The following KCNH1 variants were observed in gnomAD, a reference collection of about 807,000 sequenced individuals.
The protein encoded by KCNH1 is voltage-gated delayed rectifier potassium channel KCNH1.
Under a neutral mutation model 69.2 loss-of-function variants are expected in KCNH1, and 27 were observed. That is an observed-to-expected ratio of 0.39 (90% CI 0.29 to 0.54). The LOEUF (loss-of-function observed/expected upper bound fraction) is 0.54. Among genes scored for constraint, KCNH1 ranks in the 20% least tolerant of loss-of-function variants. The probability of loss-of-function intolerance (pLI) is 0.68; values close to 1 mark genes in which losing one functional copy is unlikely to be tolerated. For missense variants in KCNH1, 798 were observed against 1,261.6 expected (o/e 0.63, Z 5.57); for synonymous variants, 456 against 487.7 (o/e 0.93, Z 0.86).
intron 7 of KCNH1, among the ~76,000 whole-genome samples, chr1:210,806,744 C>T (rs12566698): frequency 0.13 from 18,706 of 141,944 alleles, 1,295 homozygotes; most frequent in Non-Finnish European, 0.15. Flanking sequence ...CCGAGGCAGG[C>T]GGATCACCTG....
chr1:210,945,902 C>T (rs112104707), intron 6 of KCNH1, among the ~76,000 whole-genome samples: 2,016 of 152,280 alleles, frequency 0.013, 20 homozygotes, highest in Non-Finnish European at 0.022. Flanking sequence ...TTTCATTTTT[C>T]TCCAGAGCAT....
intron 10 of KCNH1, among the ~76,000 whole-genome samples, chr1:210,716,082 C>T (rs1682237834): frequency 6.6e-6 from 1 of 152,118 alleles, no homozygotes; most frequent in South Asian, 2.1e-4. Flanking sequence ...CCTCCCCCCG[C>T]CATTTCTACT....
intron 10 of KCNH1, among the ~76,000 whole-genome samples, chr1:210,713,121 G>A (rs1238139536): frequency 6.6e-6 from 1 of 151,962 alleles, no homozygotes; most frequent in Non-Finnish European, 1.5e-5. Context: ...CTCTACCTTG[G>A]TTTCAAAAAC....
intron 6 of KCNH1, among the ~76,000 whole-genome samples, chr1:210,934,696 T>G (rs749301961): frequency 6.6e-6 from 1 of 151,776 alleles, no homozygotes; most frequent in Non-Finnish European, 1.5e-5. Flanking sequence ...CCAACATCAT[T>G]AATCATTAAG....
intron 10 of KCNH1, among the ~76,000 whole-genome samples, chr1:210,756,814 G>A (rs754635578): frequency 1.3e-5 from 2 of 152,192 alleles, no homozygotes; most frequent in South Asian, 2.1e-4. Flanking sequence ...TACCCTGAAA[G>A]TCTGAGACGA....
intron 8 of KCNH1, 69 bp from the exon 9 acceptor site, chr1:210,797,829 T>G: frequency 6.5e-7 from 1 of 1,543,048 alleles, no homozygotes; most frequent in Non-Finnish European, 8.8e-7. Context: ...CCTTCAGCAC[T>G]CTAGGGGGAG....
chr1:210,809,274 T>A (rs1684650051), intron 7 of KCNH1, among the ~76,000 whole-genome samples: 1 of 152,158 alleles, frequency 6.6e-6, no homozygotes, highest in African/African-American at 2.4e-5. Context: ...TTGCCATTTG[T>A]GTGAATCTTT....
chr1:211,123,829 G>A (rs1440165126), intron 1 of KCNH1, among the ~76,000 whole-genome samples: 1 of 152,206 alleles, frequency 6.6e-6, no homozygotes, highest in Non-Finnish European at 1.5e-5. Context: ...GGGAGAGAAT[G>A]AGACCAAAGG....
chr1:211,113,226 T>C (rs1691505782), intron 1 of KCNH1, among the ~76,000 whole-genome samples: 1 of 152,228 alleles, frequency 6.6e-6, no homozygotes, highest in Non-Finnish European at 1.5e-5. Flanking sequence ...AGGGTAAAGT[T>C]GGGATTTGAA....
chr1:210,780,707 G>A (rs557802764), intron 9 of KCNH1, among the ~76,000 whole-genome samples: 7 of 152,334 alleles, frequency 4.6e-5, no homozygotes, highest in African/African-American at 1.7e-4. Context: ...AGAGGGATCA[G>A]CATGAGCAAA....
chr1:211,056,226 A>C (rs2102445099), intron 5 of KCNH1, among the ~76,000 whole-genome samples: 1 of 152,302 alleles, frequency 6.6e-6, no homozygotes, highest in East Asian at 1.9e-4. Flanking sequence ...AAGTTGACTA[A>C]AGAGCCCTTG....
At chr1:210,736,429 T>A (rs1400097917) in intron 10 of KCNH1, among the ~76,000 whole-genome samples, 1 of 151,984 alleles carries the variant, frequency 6.6e-6, no homozygotes, top group Non-Finnish European at 1.5e-5. Flanking sequence ...ATGCCTGTAA[T>A]CCCAGCTAGT....
At chr1:210,871,810 C>T (rs1686255016) in intron 7 of KCNH1, among the ~76,000 whole-genome samples, 4 of 146,868 alleles carry the variant, frequency 2.7e-5, no homozygotes, top group Non-Finnish European at 4.5e-5. Context: ...GAACAAAAAA[C>T]CAAACACCGC....
chr1:210,742,489 C>T (rs754848722), intron 10 of KCNH1, among the ~76,000 whole-genome samples: 77 of 152,220 alleles, frequency 5.1e-4, no homozygotes, highest in Non-Finnish European at 3.2e-4. Flanking sequence ...GGAGGCAGGC[C>T]GCAGACCACT....
intron 10 of KCNH1, among the ~76,000 whole-genome samples, chr1:210,717,670 A>G (rs948980605): frequency 1.3e-5 from 2 of 152,198 alleles, no homozygotes; most frequent in African/African-American, 4.8e-5. Flanking sequence ...TCTTGATTCT[A>G]CAGACCGGAT....
Position 210,860,310 on chromosome 1 carries a change from T to G in KCNH1, c.1463-56144A>C, listed in dbSNP as rs1450823947. ...CTTGTTGACATGTCAGGCTATGCGC[T>G]AAAGAGATGTCCTCATAGAATTCTG... On this transcript the variant is annotated intron_variant, in intron 7 of 10. Transcript: ENST00000271751. 6 of 1,343,138 alleles carry G rather than the reference T, an allele frequency of 4.5e-6. No homozygotes were observed. The Admixed American group carries it at 1.0e-4, about 23-fold the overall frequency. 83.2% of individuals were successfully genotyped at this position (1,343,138 alleles called of 1,614,324 possible).
chr1:210,998,283 C>CA (rs1227342752), intron 6 of KCNH1, among the ~76,000 whole-genome samples: 1 of 152,136 alleles, frequency 6.6e-6, no homozygotes, highest in Non-Finnish European at 1.5e-5. Flanking sequence ...CATGCAGAGA[C>CA]ACACATAGGC....
intron 10 of KCNH1, among the ~76,000 whole-genome samples, chr1:210,713,002 T>C (rs1451961294): frequency 6.6e-6 from 1 of 151,746 alleles, no homozygotes; most frequent in Non-Finnish European, 1.5e-5. Context: ...TCCTCCTCAC[T>C]CTACCTTCTC....
At chr1:211,036,563 G>A (rs1026504690) in intron 5 of KCNH1, among the ~76,000 whole-genome samples, 1 of 152,176 alleles carries the variant, frequency 6.6e-6, no homozygotes, top group Admixed American at 6.5e-5. Flanking sequence ...CCAAAGGGAA[G>A]GAATCTCTGG....
Sources: gnomAD v4.1 joint callset for allele counts (sites outside exome capture counted in the v4.1 genomes callset) on GRCh38, gnomAD v4.1.1 for gene constraint, MANE v1.5 for transcripts, NCBI Gene and HGNC (gene_info 2026-07-23, HGNC 2026-07-21) for gene names.